LARGE1: variants seen among roughly 807,000 people sequenced by gnomAD.
The protein encoded by LARGE1 is LARGE xylosyl- and glucuronyltransferase 1.
In LARGE1, 43 loss-of-function variants were observed where a neutral mutation model predicts 87.6. That is an observed-to-expected ratio of 0.49 (90% CI 0.38 to 0.63). LARGE1 has a LOEUF of 0.63. LARGE1 is among the 30% of genes least tolerant of loss of function. The probability of loss-of-function intolerance (pLI) is 0.00; values close to 1 mark genes in which losing one functional copy is unlikely to be tolerated. For synonymous variants in LARGE1, 434 were observed against 394.6 expected (o/e 1.10, Z -1.18); for missense variants, 802 against 1,000.2 (o/e 0.80, Z 2.67).
intron 9 of LARGE1, among the ~76,000 whole-genome samples, chr22:33,374,576 TAA>T (rs2064932229): frequency 6.6e-6 from 1 of 152,200 alleles, no homozygotes; most frequent in Admixed American, 6.5e-5. Flanking sequence ...AATTCTAACT[TAA>T]GTTTTATTGA....
chr22:33,461,356 A>AG (rs1182565291), intron 6 of LARGE1, among the ~76,000 whole-genome samples: 3 of 152,174 alleles, frequency 2.0e-5, no homozygotes, highest in Non-Finnish European at 2.9e-5. Context: ...TCCCTTTAAA[A>AG]GGCAGAGATT....
intron 2 of LARGE1, among the ~76,000 whole-genome samples, chr22:33,750,139 C>T (rs369413746): frequency 3.9e-5 from 6 of 152,144 alleles, no homozygotes; most frequent in African/African-American, 9.7e-5. Context: ...TACGCAGATA[C>T]CAGAAGCTCT....
chr22:33,798,555 T>A (rs2086059410), intron 1 of LARGE1, among the ~76,000 whole-genome samples: 1 of 152,182 alleles, frequency 6.6e-6, no homozygotes, highest in Non-Finnish European at 1.5e-5. Context: ...CCTGCTTTTC[T>A]CCATCTTTAC....
At chr22:33,397,004 A>G (rs1016308563) in intron 7 of LARGE1, among the ~76,000 whole-genome samples, 2 of 152,244 alleles carry the variant, frequency 1.3e-5, no homozygotes, top group African/African-American at 4.8e-5. Flanking sequence ...CAGCTTGATG[A>G]ATTTTCATGA....
the LARGE1 span, among the ~76,000 whole-genome samples, chr22:33,154,296 A>G: frequency 6.6e-6 from 1 of 152,140 alleles, no homozygotes; most frequent in South Asian, 2.1e-4. Context: ...GTTGGAGTGC[A>G]GTGGCATGAA....
chr22:33,665,861 CA>C (rs1357618805), intron 2 of LARGE1, among the ~76,000 whole-genome samples: 1 of 151,098 alleles, frequency 6.6e-6, no homozygotes, highest in Admixed American at 6.6e-5. Context: ...CACTGCACCC[CA>C]GCCTGGGCAA....
At chr22:33,101,751 C>T in the LARGE1 span, among the ~76,000 whole-genome samples, 2 of 152,130 alleles carry the variant, frequency 1.3e-5, no homozygotes, top group Admixed American at 6.6e-5. Flanking sequence ...TGTAGCCTAA[C>T]CAGGCAGATA....
intron 1 of LARGE1, among the ~76,000 whole-genome samples, chr22:33,831,176 C>A (rs2062956101): frequency 6.7e-6 from 1 of 148,752 alleles, no homozygotes; most frequent in Non-Finnish European, 1.5e-5. Context: ...CGGTTCCTGG[C>A]CTCAGGTGAT....
At chr22:33,684,765 T>A (rs1569369712) in intron 2 of LARGE1, among the ~76,000 whole-genome samples, 1 of 152,206 alleles carries the variant, frequency 6.6e-6, no homozygotes, top group South Asian at 2.1e-4. Flanking sequence ...ATGTGCTTCT[T>A]ACAGCGATGG....
intron 7 of LARGE1, among the ~76,000 whole-genome samples, chr22:33,429,674 A>G (rs2067009047): frequency 1.3e-5 from 2 of 152,142 alleles, no homozygotes; most frequent in Non-Finnish European, 2.9e-5. Flanking sequence ...TATATTTTGG[A>G]AGACAGAAAC....
chr22:33,456,716 G>T (rs1436133858), intron 6 of LARGE1, among the ~76,000 whole-genome samples: 1 of 152,160 alleles, frequency 6.6e-6, no homozygotes, highest in Non-Finnish European at 1.5e-5. Context: ...TTAGGTGTAA[G>T]TCTCCTCATG....
intron 6 of LARGE1, among the ~76,000 whole-genome samples, chr22:33,463,207 AT>A (rs1195013650): frequency 3.9e-5 from 6 of 152,154 alleles, no homozygotes; most frequent in Admixed American, 1.3e-4. Context: ...AAAGATTTTC[AT>A]TTGGGAATTT....
At chr22:33,577,549 C>T (rs894453524) in intron 5 of LARGE1, among the ~76,000 whole-genome samples, 1 of 152,216 alleles carries the variant, frequency 6.6e-6, no homozygotes, top group African/African-American at 2.4e-5. Flanking sequence ...ATACCTTCTT[C>T]CACTCTTACC....
chr22:33,384,095 G>T, intron 8 of LARGE1, 97 bp downstream of exon 8: 1 of 902,636 alleles, frequency 1.1e-6, no homozygotes, highest in Non-Finnish European at 1.9e-6. Flanking sequence ...CACACAATAC[G>T]TAGAAAACCA....
intron 1 of LARGE1, among the ~76,000 whole-genome samples, chr22:33,905,109 A>G (rs993001477): frequency 7.7e-6 from 1 of 130,058 alleles, no homozygotes; most frequent in African/African-American, 3.0e-5. Flanking sequence ...TCTGTCACCC[A>G]GACTGGAGTG....
the LARGE1 span, among the ~76,000 whole-genome samples, chr22:33,146,965 C>T: frequency 2.0e-5 from 3 of 152,130 alleles, no homozygotes; most frequent in African/African-American, 7.2e-5. Context: ...TTTGCCTACT[C>T]TTGAGCCTCA....
chr22:33,295,883 G>T (rs1171217243), intron 12 of LARGE1, among the ~76,000 whole-genome samples: 1 of 152,168 alleles, frequency 6.6e-6, no homozygotes, highest in Non-Finnish European at 1.5e-5. Context: ...TTCCTTAATG[G>T]GTGGCATTAA....
chr22:33,100,151 C>A, the LARGE1 span, among the ~76,000 whole-genome samples: 1 of 151,796 alleles, frequency 6.6e-6, no homozygotes. Flanking sequence ...GCCTGGCCAA[C>A]ATGGCAAAAC....
At chr22:33,141,677 C>T in the LARGE1 span, among the ~76,000 whole-genome samples, 2 of 152,050 alleles carry the variant, frequency 1.3e-5, no homozygotes, top group African/African-American at 2.4e-5. Flanking sequence ...TGAGGTTGTT[C>T]CAAGCCATTT....
Sources: allele counts gnomAD v4.1 joint callset (sites outside exome capture counted in the v4.1 genomes callset), GRCh38; gene constraint gnomAD v4.1.1; transcripts MANE v1.5; gene names NCBI Gene and HGNC (gene_info 2026-07-23, HGNC 2026-07-21).